The following GNB1L variants were observed in gnomAD, a reference collection of about 807,000 sequenced individuals.
GNB1L encodes G protein subunit beta 1 like.
In GNB1L, 20 loss-of-function variants were observed where a neutral mutation model predicts 29.1. That is an observed-to-expected ratio of 0.69 (90% confidence interval 0.48 to 1.00). The LOEUF (loss-of-function observed/expected upper bound fraction) is 1.00, where lower values mean the gene tolerates loss of function less well. Among genes scored for constraint, GNB1L ranks in the 50% least tolerant of loss-of-function variants. The pLI is 0.00. For missense variants in GNB1L, 421 were observed against 464.9 expected (o/e 0.91, Z 0.87); for synonymous variants, 193 against 206.5 (o/e 0.93, Z 0.56).
chr22:19,822,945 G>A (rs761246583), intron 2 of GNB1L, among the ~76,000 whole-genome samples: 4 of 152,202 alleles, frequency 2.6e-5, no homozygotes, highest in South Asian at 2.1e-4. Flanking sequence ...CAAAACACCT[G>A]AGAAATGCCC....
Position 19,786,540 on chromosome 22 carries a change from T to A in GNB1L, c.*2169A>T, listed in dbSNP as rs906807635. ...CGTGGCTGTGGGACGTAGGGAGTTTTGTAACTACAGTGATGATGCCAAAGA... is the reference window on the plus strand; with the variant it reads ...CGTGGCTGTGGGACGTAGGGAGTTTAGTAACTACAGTGATGATGCCAAAGA... On this transcript the variant is annotated 3_prime_UTR_variant, in exon 8 of 8. Transcript: ENST00000329517. 2.0e-5 allele frequency: 3 copies of A among 152,348 alleles called. No individual in the cohort carries two copies. The highest frequency in any genetic ancestry group is 4.4e-5 in the Non-Finnish European group (3 of 68,128). The allele number at this position is 152,348 out of a possible 1,614,324, so 9.4% of individuals were successfully genotyped here.
At chr22:19,806,880 G>A in intron 5 of GNB1L, 123 bp from the exon 6 acceptor site, 1 of 755,216 alleles carries the variant, frequency 1.3e-6, no homozygotes. Context: ...CCCTCCCCGT[G>A]GGCACCTGGG....
intron 7 of GNB1L, among the ~76,000 whole-genome samples, chr22:19,793,578 A>G (rs1207516532): frequency 6.6e-6 from 1 of 152,224 alleles, no homozygotes; most frequent in Non-Finnish European, 1.5e-5. Context: ...AAAGCTCAGC[A>G]GAACCCAATC....
In GNB1L at chr22:19,806,661, G is replaced by T; in HGVS notation, c.514C>A (p.Gln172Lys). The T allele has an allele frequency of 6.2e-7, 1 of 1,606,074 alleles. No individual in the cohort carries two copies. Among genetic ancestry groups the T allele is most frequent in the Non-Finnish European group, 8.5e-7 (1 of 1,174,230 alleles). The change falls in exon 6 of 8, where the codon CAG becomes AAG. Residue 172 changes from glutamine (Q) to lysine (K), a missense_variant and splice_region_variant. Gln to Lys is a moderately conservative substitution (Grantham distance 53). Transcript: ENST00000329517. Reference sequence around the variant, plus strand: ...GGCTGGTGCACGCGGGGCCTTACCTGCCACAGCCGCAGGCACATGGGCATG... The same window carrying T: ...GGCTGGTGCACGCGGGGCCTTACCTTCCACAGCCGCAGGCACATGGGCATG... Reference protein sequence around the residue: ...LGMPMCLRLWQADCSSRPLLL... With the variant: ...LGMPMCLRLWKADCSSRPLLL...
intron 2 of GNB1L, among the ~76,000 whole-genome samples, chr22:19,837,289 G>A (rs541652372): frequency 6.6e-6 from 1 of 152,298 alleles, no homozygotes; most frequent in East Asian, 1.9e-4. Flanking sequence ...TTAAGAAAAT[G>A]AAAAGACAAT....
At chr22:19,849,847 C>A in intron 2 of GNB1L, 1 of 985,428 alleles carries the variant, frequency 1.0e-6, no homozygotes, top group Non-Finnish European at 1.2e-6. Context: ...AGAGTGGGCA[C>A]ACACTGCACA....
At chr22:19,796,638 G>C (rs893267530) in intron 7 of GNB1L, among the ~76,000 whole-genome samples, 5 of 152,192 alleles carry the variant, frequency 3.3e-5, no homozygotes, top group African/African-American at 1.2e-4. Flanking sequence ...TGTCAAATGA[G>C]GAATATGGGG....
intron 5 of GNB1L, among the ~76,000 whole-genome samples, chr22:19,807,495 G>A (rs1937450111): frequency 6.6e-6 from 1 of 152,134 alleles, no homozygotes; most frequent in Non-Finnish European, 1.5e-5. Context: ...GTACAAGCGA[G>A]AGCAGCTCAC....
intron 4 of GNB1L, among the ~76,000 whole-genome samples, chr22:19,815,938 G>A (rs984190121): frequency 3.3e-5 from 5 of 152,164 alleles, no homozygotes; most frequent in East Asian, 1.9e-4. Flanking sequence ...CGAAGACCCC[G>A]TATGCCTCCT....
chr22:19,783,295 T>C lies in GNB1L; in HGVS notation c.*5414A>G, dbSNP rs1937160071. On this transcript the variant is annotated 3_prime_UTR_variant, in exon 8 of 8. Coordinates refer to ENST00000329517, the MANE Select transcript of GNB1L (RefSeq NM_053004.3). ...ATGAGGCCAAATGACTCGATTTCTC[T>C]ACACCCCACATTTTACAGGTTTCAG... 2.2e-6 allele frequency: 1 copy of C among 447,950 alleles called. No homozygotes were observed. Among genetic ancestry groups the C allele is most frequent in the South Asian group, 2.1e-5 (1 of 48,290 alleles). 27.7% of individuals were successfully genotyped at this position (447,950 alleles called of 1,614,324 possible). A position where few individuals can be genotyped will look rare whatever the true frequency, so the allele number is the denominator to read the frequency against.
At chr22:19,788,995 TA>T in intron 7 of GNB1L, 35 bp from the exon 8 acceptor site, 1 of 1,565,992 alleles carries the variant, frequency 6.4e-7, no homozygotes. Context: ...GGCCACTCCT[TA>T]AGCCCACAAG....
In GNB1L at chr22:19,788,679, T is replaced by C; in HGVS notation, c.*30A>G. On this transcript the variant is annotated 3_prime_UTR_variant, in exon 8 of 8. Coordinates refer to ENST00000329517, the MANE Select transcript of GNB1L (RefSeq NM_053004.3). ...CTGATGCCCACCTCCCTGCCCGCCC[T>C]CCTCGTCTCCCGGGAAGGGAGTGGG... 6.2e-7 allele frequency: 1 copy of C among 1,612,244 alleles called. No homozygotes were observed. Among genetic ancestry groups the C allele is most frequent in the African/African-American group, 1.3e-5 (1 of 75,040 alleles).
intron 4 of GNB1L, among the ~76,000 whole-genome samples, chr22:19,814,512 G>A (rs935683577): frequency 2.6e-5 from 4 of 152,214 alleles, no homozygotes; most frequent in Non-Finnish European, 5.9e-5. Context: ...CAGCTAGTAA[G>A]CAAAAGCTAT....
At position 19,787,563 on chromosome 22, in the gene GNB1L, TGCTGGACTCG is replaced by T. The variant is rs1569035605; in HGVS notation, c.*1136_*1145del. ...CCCTCTGTATCTCATCCTGGGGGTCTGCTGGACTCGAGTCTAGTTCTAGGACTAGAAGCCC... is the reference window on the plus strand; with the variant it reads ...CCCTCTGTATCTCATCCTGGGGGTCTAGTCTAGTTCTAGGACTAGAAGCCC... On this transcript the variant is annotated 3_prime_UTR_variant, in exon 8 of 8. Coordinates refer to ENST00000329517, the MANE Select transcript of GNB1L (RefSeq NM_053004.3). 6.6e-6 allele frequency: 1 copy of T among 152,446 alleles called. No homozygotes were observed. Among genetic ancestry groups the T allele is most frequent in the East Asian group, 1.9e-4 (1 of 5,182 alleles). The allele number at this position is 152,446 out of a possible 1,614,324, so 9.4% of individuals were successfully genotyped here.
At chr22:19,808,127 C>T (rs1937457541) in intron 5 of GNB1L, among the ~76,000 whole-genome samples, 1 of 152,230 alleles carries the variant, frequency 6.6e-6, no homozygotes, top group South Asian at 2.1e-4. Flanking sequence ...GGCTTCTGCT[C>T]CACTCAGCAC....
At chr22:19,810,950 G>A (rs1016819487) in intron 5 of GNB1L, among the ~76,000 whole-genome samples, 10 of 152,220 alleles carry the variant, frequency 6.6e-5, no homozygotes, top group South Asian at 4.1e-4. Flanking sequence ...CAGGCTGACC[G>A]AGTGCTGGCT....
At chr22:19,820,010 A>C (rs1937565487) in intron 4 of GNB1L, among the ~76,000 whole-genome samples, 1 of 152,152 alleles carries the variant, frequency 6.6e-6, no homozygotes, top group Non-Finnish European at 1.5e-5. Context: ...GGGAAGAGTC[A>C]GGTGCATTGT....
rs117547687 is a variant in GNB1L at position 19,818,574 on chromosome 22, A to C, written c.254+2024T>G. On this transcript the variant is annotated intron_variant, in intron 4 of 7. Coordinates refer to ENST00000329517, the MANE Select transcript of GNB1L (RefSeq NM_053004.3). Reference sequence around the variant, plus strand: ...TGCAGCCATCTCCCAGGTGGTAGGCACCGCGTGAGTCTAGCACAGACATGT... The same window carrying C: ...TGCAGCCATCTCCCAGGTGGTAGGCCCCGCGTGAGTCTAGCACAGACATGT... Among the ~76,000 whole-genome samples the C allele has an allele frequency of 1.0e-3, 155 of 152,320 alleles. 2 individuals are homozygous for C. In the East Asian group the frequency reaches 0.029, roughly 28 times the overall value.
At chr22:19,790,733 T>C (rs1426108818) in intron 7 of GNB1L, among the ~76,000 whole-genome samples, 1 of 151,298 alleles carries the variant, frequency 6.6e-6, no homozygotes, top group African/African-American at 2.4e-5. Flanking sequence ...ACTTGGGAGG[T>C]TGAGGTTGGA....
Sources: allele counts gnomAD v4.1 joint callset (sites outside exome capture counted in the v4.1 genomes callset), GRCh38; gene constraint gnomAD v4.1.1; transcripts MANE v1.5; gene names NCBI Gene and HGNC (gene_info 2026-07-23, HGNC 2026-07-21).